The following GPC5 variants were observed in gnomAD, a reference collection of about 807,000 sequenced individuals.
The protein encoded by GPC5 is glypican-5.
GPC5 carries 47 observed loss-of-function variants against 53.9 expected under a neutral mutation model. That is an observed-to-expected ratio of 0.87 (90% CI 0.69 to 1.11). The LOEUF (loss-of-function observed/expected upper bound fraction) is 1.11, where lower values mean the gene tolerates loss of function less well. GPC5 is among the 50% of genes most tolerant of loss of function. The pLI is 0.00. For missense variants in GPC5, 748 were observed against 713.1 expected, an observed-to-expected ratio of 1.05 and a Z score of -0.56; for synonymous variants, 286 against 263.3, an observed-to-expected ratio of 1.09 and a Z score of -0.84.
rs533270952 is a variant in GPC5, at chr13:91,417,878, T to C, written c.163+18669T>C. Among the ~76,000 whole-genome samples the C allele has an allele frequency of 7.2e-5, 11 of 152,338 alleles. No individual in the cohort carries two copies. In the South Asian group the frequency reaches 1.2e-3, roughly 17 times the overall value. On this transcript the variant is annotated intron_variant, in intron 1 of 7. Transcript: ENST00000377067. ...GACGCAACTGACTTCATTTTTATTCTGATACTTTTCACACATCTTATGTGT... is the reference window on the plus strand; with the variant it reads ...GACGCAACTGACTTCATTTTTATTCCGATACTTTTCACACATCTTATGTGT...
chr13:92,715,373 TTCC>T (rs1182167292), intron 7 of GPC5, among the ~76,000 whole-genome samples: 1 of 152,200 alleles, frequency 6.6e-6, no homozygotes, highest in East Asian at 1.9e-4. Context: ...GAATCAGAAT[TTCC>T]TCCTATTTCT....
intron 6 of GPC5, among the ~76,000 whole-genome samples, chr13:92,015,197 T>C (rs1368338635): frequency 6.6e-6 from 1 of 152,152 alleles, no homozygotes; most frequent in African/African-American, 2.4e-5. Flanking sequence ...ATGTTAAATA[T>C]CTTACAATAC....
At chr13:92,808,836 C>CA (rs144092658) in intron 7 of GPC5, among the ~76,000 whole-genome samples, 4,294 of 151,930 alleles carry the variant, frequency 0.028, 77 homozygotes, top group Non-Finnish European at 0.042. Flanking sequence ...AGCATTTCCC[C>CA]AAAAAAACTT....
At chr13:92,742,302 T>C (rs1268435138) in intron 7 of GPC5, among the ~76,000 whole-genome samples, 2 of 151,964 alleles carry the variant, frequency 1.3e-5, no homozygotes, top group East Asian at 3.9e-4. Flanking sequence ...TGGTATCTCA[T>C]TGTGGTTTTG....
rs147180866 is a variant in GPC5, at chr13:91,794,342, C to T, written c.1280+37922C>T. ...CTAATTCTTTTTGTTTTAAATGGAT[C>T]TTCCCTACTCTCCACAGACATACCC... On this transcript the variant is annotated intron_variant, in intron 5 of 7. Coordinates refer to ENST00000377067, the MANE Select transcript of GPC5 (RefSeq NM_004466.6). Among the ~76,000 whole-genome samples the T allele has an allele frequency of 2.9e-3, 434 of 152,272 alleles. 1 individual carries two copies. Among genetic ancestry groups the T allele is most frequent in the Non-Finnish European group, 5.1e-3 (344 of 68,020 alleles).
chr13:92,352,038 C>G (rs2043482403), intron 7 of GPC5, among the ~76,000 whole-genome samples: 1 of 151,976 alleles, frequency 6.6e-6, no homozygotes, highest in African/African-American at 2.4e-5. Context: ...GATGAGATAC[C>G]TGTTAAACCA....
chr13:91,909,121 C>G (rs1382845108), intron 6 of GPC5, among the ~76,000 whole-genome samples: 1 of 152,124 alleles, frequency 6.6e-6, no homozygotes, highest in Non-Finnish European at 1.5e-5. Flanking sequence ...CTTATTCTAC[C>G]ATTGATACCT....
intron 6 of GPC5, among the ~76,000 whole-genome samples, chr13:92,024,322 T>C (rs954521276): frequency 6.6e-6 from 1 of 152,170 alleles, no homozygotes; most frequent in African/African-American, 2.4e-5. Flanking sequence ...CAGAAATCCA[T>C]TAATGATTTC....
intron 2 of GPC5, among the ~76,000 whole-genome samples, chr13:91,551,374 G>T (rs549133627): frequency 3.2e-4 from 49 of 152,218 alleles, no homozygotes; most frequent in Middle Eastern, 3.4e-3. Flanking sequence ...GGCAGGCAAT[G>T]TGCCAATCTC....
intron 3 of GPC5, among the ~76,000 whole-genome samples, chr13:91,694,485 G>C (rs184203594): frequency 1.2e-4 from 19 of 152,294 alleles, no homozygotes; most frequent in African/African-American, 4.1e-4. Flanking sequence ...TGTATACACG[G>C]TCATGGTGTT....
At chr13:91,958,906 C>T (rs1200341973) in intron 6 of GPC5, among the ~76,000 whole-genome samples, 4 of 151,794 alleles carry the variant, frequency 2.6e-5, no homozygotes, top group African/African-American at 9.7e-5. Flanking sequence ...TGATAGTAAT[C>T]CACACCTACA....
chr13:92,210,214 ATG>A (rs779911504), intron 7 of GPC5, among the ~76,000 whole-genome samples: 7 of 152,160 alleles, frequency 4.6e-5, no homozygotes, highest in Non-Finnish European at 1.0e-4. Context: ...GATAGTTAAC[ATG>A]TTATCAGTAT....
At chr13:91,736,804 G>C (rs184331593) in intron 4 of GPC5, among the ~76,000 whole-genome samples, 1 of 151,286 alleles carries the variant, frequency 6.6e-6, no homozygotes, top group South Asian at 2.1e-4. Flanking sequence ...TCATGAATGA[G>C]AGAATCCTCT....
chr13:92,611,609 G>A lies in GPC5; in HGVS notation c.1562-254673G>A, dbSNP rs111778645. Among the ~76,000 whole-genome samples, 879 of 152,182 alleles carry A rather than the reference G, an allele frequency of 5.8e-3. 6 individuals carry two copies. Among genetic ancestry groups the A allele is most frequent in the African/African-American group, 0.021 (860 of 41,522 alleles). On this transcript the variant is annotated intron_variant, in intron 7 of 7. Transcript: ENST00000377067. ...CAAGAGTTTTTTCATATTTATCAGC[G>A]CACTTGCCTTTCCCTTTGCAAATGA...
At chr13:92,496,069 A>G (rs1879967319) in intron 7 of GPC5, among the ~76,000 whole-genome samples, 1 of 152,050 alleles carries the variant, frequency 6.6e-6, no homozygotes, top group African/African-American at 2.4e-5. Flanking sequence ...TTTTCCCACA[A>G]TGGAGTGCTT....
rs533042267 is a variant in GPC5, at chr13:92,586,301, C to T, written c.1562-279981C>T. On this transcript the variant is annotated intron_variant, in intron 7 of 7. Coordinates refer to ENST00000377067, the MANE Select transcript of GPC5 (RefSeq NM_004466.6). Reference sequence around the variant, plus strand: ...GGCTGAAAGATATTCATGCATAAGGCATAGCATGTGCAGATATCCAGAGAA... The same window carrying T: ...GGCTGAAAGATATTCATGCATAAGGTATAGCATGTGCAGATATCCAGAGAA... Among the ~76,000 whole-genome samples the T allele has an allele frequency of 1.2e-3, 183 of 152,282 alleles. 1 individual carries two copies. The highest frequency in any genetic ancestry group is 2.7e-3 in the South Asian group (13 of 4,834).
intron 7 of GPC5, among the ~76,000 whole-genome samples, chr13:92,511,906 C>T (rs1021661637): frequency 1.3e-5 from 2 of 152,014 alleles, no homozygotes; most frequent in South Asian, 2.1e-4. Flanking sequence ...GAAAGAGAGA[C>T]GTGGAGTGCA....
At chr13:91,524,607 T>C (rs1440298821) in intron 2 of GPC5, among the ~76,000 whole-genome samples, 3 of 152,196 alleles carry the variant, frequency 2.0e-5, no homozygotes, top group African/African-American at 7.2e-5. Flanking sequence ...GTTACTTTGC[T>C]TGCTTTTAGC....
intron 7 of GPC5, among the ~76,000 whole-genome samples, chr13:92,517,615 A>C (rs1468288097): frequency 6.6e-6 from 1 of 152,216 alleles, no homozygotes; most frequent in East Asian, 1.9e-4. Context: ...CCTGCAGCTG[A>C]GGGTCTGACT....
Sources: allele counts gnomAD v4.1 joint callset (sites outside exome capture counted in the v4.1 genomes callset), GRCh38; gene constraint gnomAD v4.1.1; transcripts MANE v1.5; gene names NCBI Gene and HGNC (gene_info 2026-07-23, HGNC 2026-07-21).